TMCO6: variants seen among roughly 807,000 people sequenced by gnomAD.
TMCO6 encodes transmembrane and coiled-coil domains 6.
TMCO6 carries 47 observed loss-of-function variants against 61.8 expected under a neutral mutation model. That is an observed-to-expected ratio of 0.76 (90% confidence interval 0.60 to 0.97). The LOEUF (loss-of-function observed/expected upper bound fraction) is 0.97. Ranked by LOEUF, TMCO6 falls within the 50% of genes least tolerant of loss-of-function variation. The pLI is 0.00. For missense variants in TMCO6, 557 were observed against 601.6 expected, an observed-to-expected ratio of 0.93 and a Z score of 0.78; for synonymous variants, 261 against 254.2, an observed-to-expected ratio of 1.03 and a Z score of -0.25.
upstream of TMCO6, among the ~76,000 whole-genome samples, chr5:140,637,110 C>G (rs999836067): frequency 6.6e-6 from 1 of 152,104 alleles, no homozygotes; most frequent in African/African-American, 2.4e-5. Context: ...GGGAAGGATG[C>G]AGGCAGAGAA....
the TMCO6 span, chr5:140,633,328 G>A: frequency 3.3e-6 from 2 of 609,562 alleles, no homozygotes. Context: ...TTCAGGGAGG[G>A]GGACCGTAAC....
the TMCO6 span, among the ~76,000 whole-genome samples, chr5:140,634,059 A>G: frequency 3.9e-5 from 6 of 152,152 alleles, no homozygotes; most frequent in Admixed American, 3.9e-4. Context: ...AAGTGCTGGG[A>G]TTACAGGCGT....
the TMCO6 span, chr5:140,632,633 G>T: frequency 6.2e-7 from 1 of 1,613,854 alleles, no homozygotes; most frequent in Non-Finnish European, 8.5e-7. The surrounding 1 kb of genome is among the most constrained non-coding windows in gnomAD (Gnocchi z 6.2). Flanking sequence ...GTTCCTTGAG[G>T]CGGGAGTACG....
chr5:140,647,426 T>A (rs777882601), downstream of TMCO6: 1 of 1,609,220 alleles, frequency 6.2e-7, no homozygotes, highest in Non-Finnish European at 8.5e-7. Context: ...TTCAGGGAGG[T>A]CGAGGTCGTG....
At chr5:140,645,453 G>A, downstream of TMCO6, 1 of 1,191,770 alleles carries the variant, frequency 8.4e-7, no homozygotes, top group Non-Finnish European at 1.2e-6. Flanking sequence ...GGTAGATGAG[G>A]ACAAGAACAC....
chr5:140,612,311 T>C, the TMCO6 span, among the ~76,000 whole-genome samples: 1 of 151,826 alleles, frequency 6.6e-6, no homozygotes, highest in Non-Finnish European at 1.5e-5. Context: ...TCAGCCTTGC[T>C]TTATTAACAC....
At chr5:140,639,957 C>A (rs1334093839) in intron 2 of TMCO6, 106 bp downstream of exon 2, 3 of 910,318 alleles carry the variant, frequency 3.3e-6, no homozygotes, top group Admixed American at 2.2e-5. Flanking sequence ...CTCTACACTT[C>A]CACGCATCCA....
chr5:140,632,166 A>T, the TMCO6 span: 1 of 1,613,976 alleles, frequency 6.2e-7, no homozygotes, highest in Admixed American at 1.7e-5. This position sits in a 1 kb window ranked among gnomAD's most constrained non-coding sequence, Gnocchi z 6.2. Context: ...GCTGGACCAC[A>T]TGCATCTCGG....
At position 140,645,274 on chromosome 5, in the gene TMCO6, G is replaced by A. The variant is rs530674816; in HGVS notation, c.*176G>A. 5.6e-6 allele frequency: 4 copies of A among 716,068 alleles called. No homozygotes were observed. In the African/African-American group the frequency reaches 7.0e-5, roughly 13 times the overall value. The allele number at this position is 716,068 out of a possible 1,614,324, so 44.4% of individuals were successfully genotyped here. On this transcript the variant is annotated 3_prime_UTR_variant, in exon 12 of 12. Transcript: ENST00000394671. ...CCACTCAGCACTATCCAGGCAGGAG[G>A]ACCAAAAGGGACTCAGTGTGGTCTA... is the stretch of plus-strand genomic sequence containing the variant.
the TMCO6 span, among the ~76,000 whole-genome samples, chr5:140,597,212 T>TATTGGCAC: frequency 6.6e-6 from 1 of 152,192 alleles, no homozygotes. Flanking sequence ...TTTGGAGAAG[T>TATTGGCAC]CAGTGTGGGG....
chr5:140,635,174 C>G (rs1366496627), upstream of TMCO6, among the ~76,000 whole-genome samples: 1 of 152,236 alleles, frequency 6.6e-6, no homozygotes, highest in African/African-American at 2.4e-5. Context: ...TCATCACTGC[C>G]CCCTGCGGGT....
the TMCO6 span, among the ~76,000 whole-genome samples, chr5:140,620,387 T>C: frequency 3.2e-4 from 49 of 152,120 alleles, no homozygotes; most frequent in African/African-American, 1.0e-3. Context: ...GAGGGATGAA[T>C]AGACAGAGCA....
intron 2 of TMCO6, 92 bp downstream of exon 2, chr5:140,639,943 T>A: frequency 9.4e-7 from 1 of 1,063,640 alleles, no homozygotes; most frequent in Non-Finnish European, 1.4e-6. Flanking sequence ...CTGAACGCAA[T>A]CCACTCTACA....
chr5:140,617,396 T>C, the TMCO6 span, among the ~76,000 whole-genome samples: 1 of 152,144 alleles, frequency 6.6e-6, no homozygotes, highest in African/African-American at 2.4e-5. Context: ...ACCCCGTCTG[T>C]ACTAAAAATT....
the TMCO6 span, among the ~76,000 whole-genome samples, chr5:140,614,805 A>G: frequency 2.6e-5 from 4 of 151,982 alleles, no homozygotes; most frequent in Non-Finnish European, 5.9e-5. Flanking sequence ...TAGTAGAGAC[A>G]GGGTTTCACC....
the TMCO6 span, chr5:140,632,422 C>A: frequency 6.2e-7 from 1 of 1,614,166 alleles, no homozygotes; most frequent in South Asian, 1.1e-5. The surrounding 1 kb of genome is among the most constrained non-coding windows in gnomAD (Gnocchi z 6.2). Context: ...CGAACCTGTT[C>A]GCAGGAAAAG....
intron 1 of TMCO6, 63 bp downstream of exon 1, chr5:140,639,675 T>C: frequency 6.5e-7 from 1 of 1,545,914 alleles, no homozygotes; most frequent in Non-Finnish European, 8.8e-7. Context: ...GACCCCAGGC[T>C]CGGAGCCGCG....
downstream of TMCO6, chr5:140,647,256 C>G: frequency 6.5e-7 from 1 of 1,544,798 alleles, no homozygotes; most frequent in Non-Finnish European, 8.7e-7. Flanking sequence ...CCGCACTCAC[C>G]GTAGCGGGCC....
At chr5:140,637,257 G>A (rs1467832814), upstream of TMCO6, among the ~76,000 whole-genome samples, 1 of 152,174 alleles carries the variant, frequency 6.6e-6, no homozygotes, top group East Asian at 1.9e-4. Context: ...ACCATGTAGG[G>A]CTAAGTCGGC....
Sources: allele counts gnomAD v4.1 joint callset (sites outside exome capture counted in the v4.1 genomes callset), GRCh38; gene constraint gnomAD v4.1.1; non-coding constraint Gnocchi (gnomAD v3.1); transcripts MANE v1.5; gene names NCBI Gene and HGNC (gene_info 2026-07-23, HGNC 2026-07-21).